Variants in TTN observed in about 807,000 individuals in gnomAD.
TTN encodes the protein titin.
TTN carries 1,525 observed loss-of-function variants against 3,223.0 expected under a neutral mutation model. That is an observed-to-expected ratio of 0.47 (90% CI 0.45 to 0.49). The LOEUF (loss-of-function observed/expected upper bound fraction) is 0.49, where lower values mean the gene tolerates loss of function less well. Among genes scored for constraint, TTN ranks in the 20% least tolerant of loss-of-function variants. TTN has a pLI of 0.00. For missense variants in TTN, 40,786 were observed against 43,424.0 expected, an observed-to-expected ratio of 0.94 and a Z score of 5.40; for synonymous variants, 14,094 against 15,161.0, an observed-to-expected ratio of 0.93 and a Z score of 5.17.
In TTN at chr2:178,728,239, G is replaced by A. The variant is rs758456020; in HGVS notation, c.19585C>T (p.Leu6529Phe). ...GACACAGATCTCTCATGGCACACAA[G>A]TCTGTATTTTGCACTTGTAGATATT... ...KEISTSAKYR[L>F]VCHERSVSLE... The change falls in exon 67 of 363, where the codon CTT becomes TTT. Residue 6529 changes from leucine to phenylalanine, a missense_variant. Physicochemically the swap from Leu to Phe is conservative, Grantham distance 22. Transcript: ENST00000589042. 3.1e-6 allele frequency: 5 copies of A among 1,613,194 alleles called. No individual in the cohort carries two copies. The highest frequency in any genetic ancestry group is 2.2e-5 in the South Asian group (2 of 91,048).
chr2:178,553,701 C>T lies in TTN; in HGVS notation c.89304G>A (p.Gly29768=). Reference sequence around the variant, plus strand: ...CTCCTTGTCTTATCTCGACAACATACCCAGTAACAGCACTGCCCCCATCAT... The same window carrying T: ...CTCCTTGTCTTATCTCGACAACATATCCAGTAACAGCACTGCCCCCATCAT... ...PVYDGGSAVT[G]YVVEIRQGEE... is the part of the protein sequence containing the mutation. Residue 29768 remains glycine (G), a synonymous_variant, in exon 334 of 363, where the codon GGG becomes GGA. Coordinates refer to ENST00000589042, the MANE Select transcript of TTN (RefSeq NM_001267550.2). 6.2e-7 allele frequency: 1 copy of T among 1,613,838 alleles called. No homozygotes were observed.
At chr2:178,719,959 C>A in intron 81 of TTN, 24 bp downstream of exon 81, 1 of 1,560,142 alleles carries the variant, frequency 6.4e-7, no homozygotes, top group Non-Finnish European at 8.7e-7. Context: ...TTGATTTTTT[C>A]TCTGGCTGTG....
At chr2:178,638,140 G>A (rs768494630) in intron 223 of TTN, among the ~76,000 whole-genome samples, 30 of 151,762 alleles carry the variant, frequency 2.0e-4, no homozygotes, top group Non-Finnish European at 3.7e-4. Flanking sequence ...AAAGTACTAC[G>A]TTGACATTAT....
In TTN at chr2:178,723,872, T is replaced by C. The variant is rs2154303172; in HGVS notation, c.21387A>G (p.Ala7129=). ...ANVAGSDECR[A]VLTVQEPPSF... ...TCTACTGACCTTGTACAGTTAGCACTGCACGACATTCATCAGACCCAGCGA... is the reference window on the plus strand; with the variant it reads ...TCTACTGACCTTGTACAGTTAGCACCGCACGACATTCATCAGACCCAGCGA... Residue 7129 remains alanine (A), a synonymous_variant, in exon 73 of 363, where the codon GCA becomes GCG. Transcript: ENST00000589042. 1 of 1,611,266 alleles carries C rather than the reference T, an allele frequency of 6.2e-7. No homozygotes were observed. Among genetic ancestry groups the C allele is most frequent in the East Asian group, 2.2e-5 (1 of 44,806 alleles).
At chr2:178,541,890 T>G (rs1170356401) in intron 349 of TTN, 1 of 222,222 alleles carries the variant, frequency 4.5e-6, no homozygotes, top group African/African-American at 2.3e-5. Context: ...CCTCATTTTC[T>G]TCAATTCTAC....
chr2:178,616,415 C>T (rs1394491961), intron 257 of TTN, 64 bp downstream of exon 257: 2 of 1,591,182 alleles, frequency 1.3e-6, no homozygotes, highest in East Asian at 2.2e-5. Context: ...GTATGGCATC[C>T]CAACCTTCTG....
intron 265 of TTN, 75 bp downstream of exon 265, chr2:178,612,698 C>A: frequency 6.5e-7 from 1 of 1,534,084 alleles, no homozygotes; most frequent in South Asian, 1.3e-5. Flanking sequence ...ATGAATTTTT[C>A]ATATTTTCTC....
chr2:178,678,509 T>C lies in TTN; in HGVS notation c.33827-12A>G. On this transcript the variant is annotated splice_polypyrimidine_tract_variant and intron_variant, in intron 143 of 362. Transcript: ENST00000589042. Reference sequence around the variant, plus strand: ...GGGTACCTCTGGCACTTTAACGAAATGATTTAGAGAAAAATTTTATACGAC... The same window carrying C: ...GGGTACCTCTGGCACTTTAACGAAACGATTTAGAGAAAAATTTTATACGAC... 6.5e-7 allele frequency: 1 copy of C among 1,550,354 alleles called. No individual in the cohort carries two copies. The highest frequency in any genetic ancestry group is 8.7e-7 in the Non-Finnish European group (1 of 1,152,504).
intron 2 of TTN, among the ~76,000 whole-genome samples, chr2:178,803,073 A>G (rs745607834): frequency 6.6e-6 from 1 of 152,188 alleles, no homozygotes; most frequent in Non-Finnish European, 1.5e-5. Flanking sequence ...GTACATTGAG[A>G]ATGTACGAGG....
chr2:178,532,803 A>G lies in TTN; in HGVS notation c.103812T>C (p.Tyr34604=), dbSNP rs1435755218. The G allele has an allele frequency of 2.5e-6, 4 of 1,613,992 alleles. No individual in the cohort carries two copies. The highest frequency in any genetic ancestry group is 2.2e-5 in the South Asian group (2 of 91,082). The change falls in exon 358 of 363, where the codon TAT becomes TAC. Residue 34604 remains tyrosine (Y), a synonymous_variant. Transcript: ENST00000589042. ...CTGTAATGCGTGGAAGAGGCATCAC[A>G]TAGAACTGTTCCCATCTTGAAAGGC... ...RIRLSRWEQF[Y]VMPLPRITDQ... is the part of the protein sequence containing the mutation.
Position 178,759,106 on chromosome 2 carries a change from T to C in TTN, c.10181A>G (p.Gln3394Arg). 1 of 1,614,018 alleles carries C rather than the reference T, an allele frequency of 6.2e-7. No individual in the cohort carries two copies. Reference sequence around the variant, plus strand: ...TTCCAGTTGATAAGTGTCTTCAAATTGAGTCATTCTAAAGAACCGAGATGG... The same window carrying C: ...TTCCAGTTGATAAGTGTCTTCAAATCGAGTCATTCTAAAGAACCGAGATGG... ...IKPSRFFRMT[Q>R]FEDTYQLEIA... The change falls in exon 44 of 363, where the codon CAA (glutamine) becomes CGA (arginine). Residue 3394 changes from glutamine to arginine, a missense_variant. Coordinates refer to ENST00000589042, the MANE Select transcript of TTN (RefSeq NM_001267550.2).
rs757344592 is a variant in TTN at position 178,577,128 on chromosome 2, G to T, written c.69207C>A (p.Gly23069=). ...LTWTPPLEDG[G]SPIKSYILEK... ...CAAGTATATAGGACTTAATTGGTGA[G>T]CCGCCATCTTCCAAGGGAGGTGTCC... The change falls in exon 324 of 363, where the codon GGC becomes GGA. Residue 23069 remains glycine (G), a synonymous_variant. Coordinates refer to ENST00000589042, the MANE Select transcript of TTN (RefSeq NM_001267550.2). The T allele has an allele frequency of 1.5e-5, 25 of 1,613,144 alleles. No homozygotes were observed. Among genetic ancestry groups the T allele is most frequent in the Non-Finnish European group, 2.0e-5 (24 of 1,179,520 alleles).
In TTN at chr2:178,592,371, AT is replaced by A. The variant is rs766734794; in HGVS notation, c.59626+7del. 2.5e-5 allele frequency: 40 copies of A among 1,609,132 alleles called. No individual in the cohort carries two copies. Among genetic ancestry groups the A allele is most frequent in the Admixed American group, 3.4e-5 (2 of 58,990 alleles). On this transcript the variant is annotated splice_region_variant and intron_variant, in intron 301 of 362. Coordinates refer to ENST00000589042, the MANE Select transcript of TTN (RefSeq NM_001267550.2). ...TATTTTTAATGGCCTAAGTAGTAAAATTCTTACCTAATACAAGTACTTTTAC... is the reference window on the plus strand; with the variant it reads ...TATTTTTAATGGCCTAAGTAGTAAAATCTTACCTAATACAAGTACTTTTAC...
At position 178,593,411 on chromosome 2, in the gene TTN, G is replaced by C; in HGVS notation, c.58797C>G (p.Thr19599=). 6.2e-7 allele frequency: 1 copy of C among 1,613,286 alleles called. No homozygotes were observed. ...TEVTKDSALV[T]WNKPHDGGKP... ...TTCCTCCATCATGTGGCTTATTCCA[G>C]GTTACTAATGCAGAGTCTTTGGTAA... The change falls in exon 299 of 363, where the codon ACC becomes ACG. Residue 19599 remains threonine, a synonymous_variant. Transcript: ENST00000589042.
chr2:178,546,126 G>A lies in TTN; in HGVS notation c.95120-10C>T, dbSNP rs1696988141. 1.3e-6 allele frequency: 2 copies of A among 1,595,916 alleles called. No homozygotes were observed. Among genetic ancestry groups the A allele is most frequent in the Non-Finnish European group, 1.7e-6 (2 of 1,169,568 alleles). ...CATGGGCCAGGGGAATCTGAAACAG[G>A]TGTAATGACAAGCCATGATGAAGAT... On this transcript the variant is annotated splice_polypyrimidine_tract_variant and intron_variant, in intron 342 of 362. Transcript: ENST00000589042.
At chr2:178,709,542 G>A (rs568891101) in intron 99 of TTN, 24 bp downstream of exon 99, 1 of 1,590,916 alleles carries the variant, frequency 6.3e-7, no homozygotes, top group East Asian at 2.3e-5. Flanking sequence ...AACACAACAG[G>A]TTGGGGCTGT....
rs778085738 is a variant in TTN at position 178,545,514 on chromosome 2, TATC to T, written c.95593_95595del (p.Asp31865del). On this transcript the variant is annotated inframe_deletion, in exon 344 of 363. Coordinates refer to ENST00000589042, the MANE Select transcript of TTN (RefSeq NM_001267550.2). Reference sequence around the variant, plus strand: ...ATCAGGCTGGTCACCTTCAGCCTGGTATCATACACCACATAGTCTTTGTTGACA... The same window carrying T: ...ATCAGGCTGGTCACCTTCAGCCTGGTATACACCACATAGTCTTTGTTGACA... The T allele has an allele frequency of 6.2e-7, 1 of 1,613,722 alleles. No individual in the cohort carries two copies. Among genetic ancestry groups the T allele is most frequent in the East Asian group, 2.2e-5 (1 of 44,870 alleles).
Position 178,683,987 on chromosome 2 carries a change from G to A in TTN, c.32806+12C>T, listed in dbSNP as rs1577372537. On this transcript the variant is annotated intron_variant, in intron 133 of 362. Transcript: ENST00000589042. ...ATTTTGATTTTTTTTTTTTTTTTAA[G>A]AGTCAGTATACCTTTAGCTGGTGGT... is the stretch of plus-strand genomic sequence containing the variant. 1 of 1,398,160 alleles carries A rather than the reference G, an allele frequency of 7.2e-7. No individual in the cohort carries two copies. Among genetic ancestry groups the A allele is most frequent in the Non-Finnish European group, 9.6e-7 (1 of 1,046,552 alleles). The allele number at this position is 1,398,160 out of a possible 1,614,324, so 86.6% of individuals were successfully genotyped here.
chr2:178,681,747 G>C lies in TTN; in HGVS notation c.33095-9C>G. ...GATAGGCTTCTCTGGTTCTTTAAAA[G>C]TACATACAAGGTATTTCATGTTAGA... On this transcript the variant is annotated splice_polypyrimidine_tract_variant and intron_variant, in intron 135 of 362. Transcript: ENST00000589042. 6.3e-7 allele frequency: 1 copy of C among 1,580,716 alleles called. No individual in the cohort carries two copies. The highest frequency in any genetic ancestry group is 8.6e-7 in the Non-Finnish European group (1 of 1,168,420).
Sources: gnomAD v4.1 joint callset for allele counts (sites outside exome capture counted in the v4.1 genomes callset) on GRCh38, gnomAD v4.1.1 for gene constraint, MANE v1.5 for transcripts, NCBI Gene and HGNC (gene_info 2026-07-23, HGNC 2026-07-21) for gene names.